The following CALN1 variants were observed in gnomAD, a reference collection of about 807,000 sequenced individuals.
CALN1 encodes calcium-binding protein 8.
A neutral mutation model predicts 30.6 loss-of-function variants in CALN1; 17 were observed. That is an observed-to-expected ratio of 0.56 (90% CI 0.38 to 0.83). CALN1 has a LOEUF of 0.83. Among genes scored for constraint, CALN1 ranks in the 40% least tolerant of loss-of-function variants. The pLI, the probability that CALN1 is intolerant of heterozygous loss-of-function variation, is 0.00. For missense variants in CALN1, 291 were observed against 354.9 expected, an observed-to-expected ratio of 0.82 and a Z score of 1.45; for synonymous variants, 156 against 131.4, an observed-to-expected ratio of 1.19 and a Z score of -1.28.
chr7:71,944,280 C>G (rs1796286179), intron 5 of CALN1, among the ~76,000 whole-genome samples: 1 of 152,098 alleles, frequency 6.6e-6, no homozygotes, highest in Admixed American at 6.5e-5. Flanking sequence ...GACCCCATCT[C>G]TATTTTAAAA....
rs375999986 is a variant in CALN1 at position 72,392,825 on chromosome 7, C to T, written c.119+10426G>A. ...AGACCCTGTTTAAATTAAAAAAGAC[C>T]CTGTTTCATTAAAAAAAAAATTAAT... On this transcript the variant is annotated intron_variant, in intron 2 of 6. Transcript: ENST00000395275. 1.8e-3 allele frequency among the ~76,000 whole-genome samples: 225 copies of T among 123,786 alleles called. 1 individual carries two copies. The highest frequency in any genetic ancestry group is 6.5e-3 in the African/African-American group (198 of 30,644). 81.2% of individuals were successfully genotyped at this position (123,786 alleles called of 152,430 possible). A position where few individuals can be genotyped will look rare whatever the true frequency, so the allele number is the denominator to read the frequency against.
At chr7:72,319,594 G>A (rs1008644079) in intron 2 of CALN1, among the ~76,000 whole-genome samples, 1 of 152,196 alleles carries the variant, frequency 6.6e-6, no homozygotes, top group African/African-American at 2.4e-5. Flanking sequence ...GAAAAAGAAT[G>A]CAGTAGCACC....
chr7:71,823,663 A>G (rs896474155), intron 5 of CALN1, among the ~76,000 whole-genome samples: 3 of 152,148 alleles, frequency 2.0e-5, no homozygotes, highest in Non-Finnish European at 4.4e-5. Context: ...AGTTGCAGTG[A>G]GCCGAGATTG....
chr7:72,390,863 A>AT (rs1465600664), intron 2 of CALN1, among the ~76,000 whole-genome samples: 1 of 152,218 alleles, frequency 6.6e-6, no homozygotes, highest in Admixed American at 6.5e-5. Flanking sequence ...TGTATAATAC[A>AT]TTTCCCTTTG....
chr7:71,823,840 A>AG (rs1562812286), intron 5 of CALN1, among the ~76,000 whole-genome samples: 1 of 152,214 alleles, frequency 6.6e-6, no homozygotes, highest in South Asian at 2.1e-4. Flanking sequence ...TCGTGGCAGA[A>AG]GACGAAGGAA....
chr7:71,819,678 C>G (rs1031933032), intron 5 of CALN1, among the ~76,000 whole-genome samples: 6 of 152,206 alleles, frequency 3.9e-5, no homozygotes, highest in African/African-American at 1.4e-4. Context: ...AACCCAACAA[C>G]CACCACTCTA....
At chr7:72,503,211 T>C in the CALN1 span, among the ~76,000 whole-genome samples, 3 of 152,134 alleles carry the variant, frequency 2.0e-5, no homozygotes, top group African/African-American at 7.2e-5. Context: ...GCGTGTCAAA[T>C]GGGGGCAGGG....
intron 1 of CALN1, among the ~76,000 whole-genome samples, chr7:72,442,003 A>G (rs1808361582): frequency 6.6e-6 from 1 of 151,848 alleles, no homozygotes; most frequent in Admixed American, 6.6e-5. Context: ...AACCTGCTCC[A>G]CCCACAGCTG....
chr7:72,163,155 G>A (rs1236553980), intron 3 of CALN1, among the ~76,000 whole-genome samples: 2 of 152,048 alleles, frequency 1.3e-5, no homozygotes, highest in East Asian at 3.9e-4. Flanking sequence ...AAACTAGAAG[G>A]GCTAGTCCCT....
chr7:72,271,976 C>A (rs1585321338), intron 3 of CALN1, among the ~76,000 whole-genome samples: 1 of 151,070 alleles, frequency 6.6e-6, no homozygotes, highest in East Asian at 2.0e-4. Flanking sequence ...GCAGAAGAAT[C>A]GCTTGAACCC....
the CALN1 span, among the ~76,000 whole-genome samples, chr7:72,499,044 T>C: frequency 6.6e-6 from 1 of 152,154 alleles, no homozygotes; most frequent in Non-Finnish European, 1.5e-5. Context: ...GGAATAATTT[T>C]TTTTGAGACA....
At chr7:72,036,280 T>C (rs1479595015) in intron 4 of CALN1, among the ~76,000 whole-genome samples, 1 of 152,242 alleles carries the variant, frequency 6.6e-6, no homozygotes, top group Non-Finnish European at 1.5e-5. Context: ...ATTCTCTTTG[T>C]CTTTGTCTTT....
intron 2 of CALN1, among the ~76,000 whole-genome samples, chr7:72,314,329 CTATGTTAACATATAT>C: frequency 6.7e-6 from 1 of 150,324 alleles, no homozygotes; most frequent in South Asian, 2.1e-4. Context: ...GTGCAATACA[CTATGTTAACATATAT>C]ATATACATAT....
the CALN1 span, among the ~76,000 whole-genome samples, chr7:72,495,209 C>T: frequency 6.6e-6 from 1 of 152,182 alleles, no homozygotes; most frequent in Non-Finnish European, 1.5e-5. Flanking sequence ...AGATTCCTAA[C>T]TGTTGTTTGA....
intron 1 of CALN1, among the ~76,000 whole-genome samples, chr7:72,420,498 C>G (rs533741583): frequency 9.9e-5 from 15 of 151,944 alleles, no homozygotes; most frequent in African/African-American, 3.4e-4. Flanking sequence ...GAGGAGCTGG[C>G]ATTCACCTGG....
In CALN1 at chr7:71,781,877, T is replaced by C. The variant is rs1248632502; in HGVS notation, c.*5898A>G. 1 of 152,190 alleles carries C rather than the reference T, an allele frequency of 6.6e-6. No homozygotes were observed. Among genetic ancestry groups the C allele is most frequent in the Non-Finnish European group, 1.5e-5 (1 of 68,044 alleles). 9.4% of individuals were successfully genotyped at this position (152,190 alleles called of 1,614,324 possible). A position where few individuals can be genotyped will look rare whatever the true frequency, so the allele number is the denominator to read the frequency against. On this transcript the variant is annotated 3_prime_UTR_variant, in exon 7 of 7. Coordinates refer to ENST00000395275, the MANE Select transcript of CALN1 (RefSeq NM_031468.4). Reference sequence around the variant, plus strand: ...GCTTTTCCACTTTCAGAGGACTGTCTTGTGGGTGGGACTGGAAAAACCTCA... The same window carrying C: ...GCTTTTCCACTTTCAGAGGACTGTCCTGTGGGTGGGACTGGAAAAACCTCA...
chr7:71,885,303 C>A (rs1792834674), intron 5 of CALN1, among the ~76,000 whole-genome samples: 5 of 152,150 alleles, frequency 3.3e-5, no homozygotes, highest in Admixed American at 3.3e-4. Context: ...AGGCGCCTGC[C>A]ACCACACCTG....
intron 2 of CALN1, among the ~76,000 whole-genome samples, chr7:72,288,376 G>T (rs905121049): frequency 6.6e-6 from 1 of 152,122 alleles, no homozygotes; most frequent in African/African-American, 2.4e-5. Flanking sequence ...AGTGATCAAA[G>T]ACATGGGGGT....
the CALN1 span, among the ~76,000 whole-genome samples, chr7:72,460,239 T>A: frequency 6.6e-6 from 1 of 152,170 alleles, no homozygotes; most frequent in East Asian, 1.9e-4. Context: ...GGGATCACAT[T>A]TCAGCATGAG....
Sources: allele counts gnomAD v4.1 joint callset (sites outside exome capture counted in the v4.1 genomes callset), GRCh38; gene constraint gnomAD v4.1.1; transcripts MANE v1.5; gene names NCBI Gene and HGNC (gene_info 2026-07-23, HGNC 2026-07-21).